The following BCAT1 variants were observed in gnomAD, a reference collection of about 807,000 sequenced individuals.
BCAT1 encodes the protein branched-chain-amino-acid aminotransferase, cytosolic.
Under a neutral mutation model 52.4 loss-of-function variants are expected in BCAT1, and 48 were observed. The observed-to-expected ratio is 0.92, with a 90% confidence interval of 0.73 to 1.16. The LOEUF is 1.16. Among genes scored for constraint, BCAT1 ranks in the 50% most tolerant of loss-of-function variants. The pLI is 0.00. For missense variants in BCAT1, 451 were observed against 457.1 expected (o/e 0.99, Z 0.12); for synonymous variants, 167 against 161.3 (o/e 1.04, Z -0.27).
At chr12:24,878,505 C>A (rs368282973) in intron 5 of BCAT1, 25 bp downstream of exon 5, 2 of 1,591,838 alleles carry the variant, frequency 1.3e-6, no homozygotes, top group South Asian at 1.2e-5. Flanking sequence ...AGCAAAGTAC[C>A]CCAAAATAAA....
intron 4 of BCAT1, among the ~76,000 whole-genome samples, chr12:24,880,850 T>G (rs1435743165): frequency 6.6e-6 from 1 of 151,380 alleles, no homozygotes; most frequent in African/African-American, 2.4e-5. Context: ...TTTTGTTTTT[T>G]TTTTTTACAG....
intron 5 of BCAT1, among the ~76,000 whole-genome samples, chr12:24,856,934 T>A (rs1362642167): frequency 6.6e-6 from 1 of 152,228 alleles, no homozygotes; most frequent in Admixed American, 6.5e-5. Context: ...TACTTTCTCC[T>A]GATCTCTGCC....
chr12:24,927,955 C>A (rs1408407882), intron 1 of BCAT1, among the ~76,000 whole-genome samples: 1 of 152,170 alleles, frequency 6.6e-6, no homozygotes, highest in Non-Finnish European at 1.5e-5. Flanking sequence ...TTAGGAAAAT[C>A]TTGCTGCAAG....
At chr12:24,871,031 A>G (rs75995356) in intron 5 of BCAT1, among the ~76,000 whole-genome samples, 9 of 150,062 alleles carry the variant, frequency 6.0e-5, no homozygotes, top group African/African-American at 2.0e-4. Flanking sequence ...TCAAAAAAAG[A>G]AAAAAAAAAG....
intron 1 of BCAT1, among the ~76,000 whole-genome samples, chr12:24,942,278 G>A (rs1461258877): frequency 6.6e-6 from 1 of 151,964 alleles, no homozygotes; most frequent in African/African-American, 2.4e-5. Context: ...TGGCTGGCTG[G>A]GCATGTAATC....
At chr12:24,861,432 T>C (rs1225324610) in intron 5 of BCAT1, among the ~76,000 whole-genome samples, 1 of 152,256 alleles carries the variant, frequency 6.6e-6, no homozygotes, top group Non-Finnish European at 1.5e-5. Context: ...CAATGCAGGA[T>C]AAGACTACTC....
rs1472261798 is a variant in BCAT1, at chr12:24,901,838, T to A, written c.54A>T (p.Ser18=). ...CCTTAAAAGTCCCCACCACCTCTTTTGATCCTCCTTCTCCGGTACACTCTG... is the reference window on the plus strand; with the variant it reads ...CCTTAAAAGTCCCCACCACCTCTTTAGATCCTCCTTCTCCGGTACACTCTG... ...CSAECTGEGG[S]KEVVGTFKAK... Residue 18 remains serine (S), a synonymous_variant, in exon 2 of 11, where the codon TCA becomes TCT. Coordinates refer to ENST00000261192, the MANE Select transcript of BCAT1 (RefSeq NM_005504.7). 1 of 1,613,914 alleles carries A rather than the reference T, an allele frequency of 6.2e-7. No homozygotes were observed. Among genetic ancestry groups the A allele is most frequent in the Non-Finnish European group, 8.5e-7 (1 of 1,179,904 alleles).
At chr12:24,948,801 C>CG (rs1182274707) in intron 1 of BCAT1, 126 bp downstream of exon 1, 35 of 1,021,056 alleles carry the variant, frequency 3.4e-5, no homozygotes, top group Non-Finnish European at 5.2e-5. Flanking sequence ...GAGACGTTTG[C>CG]GGGGGATATA....
Position 24,842,028 on chromosome 12 carries a change from T to C in BCAT1, c.817+54A>G, listed in dbSNP as rs1380837527. ...ACTAAGTTTCTAGCTCTTGTCTTTC[T>C]GGTCCTGTTGAAAATGACTGAGAAA... On this transcript the variant is annotated intron_variant, in intron 7 of 10. Coordinates refer to ENST00000261192, the MANE Select transcript of BCAT1 (RefSeq NM_005504.7). 2.5e-6 allele frequency: 4 copies of C among 1,585,868 alleles called. No individual in the cohort carries two copies. The East Asian group carries it at 6.7e-5, about 27-fold the overall frequency.
chr12:24,856,234 A>G (rs1941677168), intron 5 of BCAT1, among the ~76,000 whole-genome samples: 1 of 152,132 alleles, frequency 6.6e-6, no homozygotes, highest in Non-Finnish European at 1.5e-5. Flanking sequence ...AGCTTACTGC[A>G]CTGGGTGAAA....
intron 3 of BCAT1, 32 bp downstream of exon 3, chr12:24,894,243 C>G: frequency 6.2e-7 from 1 of 1,600,660 alleles, no homozygotes; most frequent in Non-Finnish European, 8.6e-7. Flanking sequence ...GAAGTGCAAG[C>G]ATGTCACTCT....
At position 24,830,602 on chromosome 12, in the gene BCAT1, A is replaced by G. The variant is rs543709533; in HGVS notation, c.1045-705T>C. 4 of 152,312 alleles carry G rather than the reference A, an allele frequency of 2.6e-5. No homozygotes were observed. In the South Asian group the frequency reaches 8.3e-4, roughly 32 times the overall value. The allele number at this position is 152,312 out of a possible 1,614,324, so 9.4% of individuals were successfully genotyped here. On this transcript the variant is annotated intron_variant, in intron 9 of 10. Coordinates refer to ENST00000261192, the MANE Select transcript of BCAT1 (RefSeq NM_005504.7). ...CACTTTTCATATTATACCCTTTAGT[A>G]TAATATGATAATTATATATACTTAC...
intron 1 of BCAT1, among the ~76,000 whole-genome samples, chr12:24,946,684 T>C (rs752025196): frequency 3.9e-5 from 6 of 152,340 alleles, no homozygotes; most frequent in Non-Finnish European, 8.8e-5. Flanking sequence ...TGATAAATTG[T>C]GTAGCCTTCA....
At chr12:24,908,544 C>T (rs1277668450) in intron 1 of BCAT1, among the ~76,000 whole-genome samples, 1 of 152,116 alleles carries the variant, frequency 6.6e-6, no homozygotes, top group African/African-American at 2.4e-5. Context: ...AGTTCAAGAC[C>T]AGCCTGGGCA....
chr12:24,872,581 A>G (rs891125910), intron 5 of BCAT1, among the ~76,000 whole-genome samples: 1 of 152,244 alleles, frequency 6.6e-6, no homozygotes, highest in African/African-American at 2.4e-5. Context: ...CTTACAGACA[A>G]TCTAAGTGTA....
chr12:24,870,375 A>G (rs1487789410), intron 5 of BCAT1, among the ~76,000 whole-genome samples: 2 of 152,266 alleles, frequency 1.3e-5, no homozygotes, highest in African/African-American at 2.4e-5. Context: ...CTGATAGCTC[A>G]GAAAAGAAAA....
At chr12:24,863,197 C>T (rs1941900140) in intron 5 of BCAT1, among the ~76,000 whole-genome samples, 1 of 152,214 alleles carries the variant, frequency 6.6e-6, no homozygotes, top group Non-Finnish European at 1.5e-5. Flanking sequence ...GAACACTTAA[C>T]ACTCTTCTCT....
At chr12:24,833,819 T>C (rs1940797142) in intron 8 of BCAT1, 1 of 116,272 alleles carries the variant, frequency 8.6e-6, no homozygotes, top group Middle Eastern at 4.3e-3. Context: ...CGTTTGTCTC[T>C]TTCTTTTTTT....
intron 3 of BCAT1, among the ~76,000 whole-genome samples, chr12:24,892,335 G>A (rs1246042533): frequency 6.6e-6 from 1 of 152,084 alleles, no homozygotes; most frequent in Admixed American, 6.6e-5. Flanking sequence ...AAAAACCAGT[G>A]ACCACCAAAA....
Sources: gnomAD v4.1 joint callset for allele counts (sites outside exome capture counted in the v4.1 genomes callset) on GRCh38, gnomAD v4.1.1 for gene constraint, MANE v1.5 for transcripts, NCBI Gene and HGNC (gene_info 2026-07-23, HGNC 2026-07-21) for gene names.